Variants in ACADM observed in about 807,000 individuals in gnomAD.
ACADM encodes the protein medium-chain specific acyl-CoA dehydrogenase, mitochondrial.
In ACADM, 49 loss-of-function variants were observed where a neutral mutation model predicts 58.9. The ratio of observed to expected loss-of-function variants is 0.83; its 90% confidence interval spans 0.66 to 1.06. ACADM has a LOEUF of 1.06. Ranked by LOEUF, ACADM falls within the 50% of genes least tolerant of loss-of-function variation. The pLI is 0.00. For synonymous variants in ACADM, 160 were observed against 157.7 expected, an observed-to-expected ratio of 1.01 and a Z score of -0.11; for missense variants, 496 against 507.0, an observed-to-expected ratio of 0.98 and a Z score of 0.21.
At chr1:75,757,272 A>G (rs1353886098) in intron 10 of ACADM, among the ~76,000 whole-genome samples, 1 of 152,190 alleles carries the variant, frequency 6.6e-6, no homozygotes, top group African/African-American at 2.4e-5. Flanking sequence ...TGAACAGGCA[A>G]CCTACAGAAT....
chr1:75,733,101 T>G, intron 4 of ACADM, 179 bp downstream of exon 4: 4 of 1,612,312 alleles, frequency 2.5e-6, no homozygotes, highest in Non-Finnish European at 3.4e-6. Context: ...CCTAGATGCG[T>G]TTTTCCTTCT....
chr1:75,751,936 C>T (rs549196292), intron 10 of ACADM, among the ~76,000 whole-genome samples: 2 of 151,718 alleles, frequency 1.3e-5, no homozygotes, highest in East Asian at 3.9e-4. Context: ...GATGCTCCCC[C>T]ATTATCTGTA....
In ACADM at chr1:75,743,389, G is replaced by T. The variant is rs1279564351; in HGVS notation, c.600-2417G>T. 1.9e-5 allele frequency: 30 copies of T among 1,600,390 alleles called. No homozygotes were observed. In the Admixed American group the frequency reaches 4.9e-4, roughly 26 times the overall value. On this transcript the variant is annotated intron_variant, in intron 7 of 11. Transcript: ENST00000370841. The stretch of plus-strand genomic sequence containing the variant: ...GAAGACTGGTTTTCAGTTCCTGCAT[G>T]ATCAATTTGTAGGGTGTGTGGGTTC...
At position 75,761,275 on chromosome 1, in the gene ACADM, CAGTT is replaced by C. The variant is rs387906297; in HGVS notation, c.1102_1105del (p.Ala369LeufsTer18). The C allele has an allele frequency of 1.6e-5, 26 of 1,613,938 alleles. No homozygotes were observed. Among genetic ancestry groups the C allele is most frequent in the Non-Finnish European group, 2.1e-5 (25 of 1,179,956 alleles). Reference sequence around the variant, plus strand: ...GGCATTTGCTGGAGATATTGCAAATCAGTTAGCTACTGATGCTGTGCAGATACTT... The same window carrying C: ...GGCATTTGCTGGAGATATTGCAAATCAGCTACTGATGCTGTGCAGATACTT... On this transcript the variant is annotated frameshift_variant, in exon 11 of 12. Coordinates refer to ENST00000370841, the MANE Select transcript of ACADM (RefSeq NM_000016.6). LOFTEE classifies it high-confidence loss of function.
intron 10 of ACADM, among the ~76,000 whole-genome samples, chr1:75,758,811 A>G (rs1648658250): frequency 6.8e-6 from 1 of 146,382 alleles, no homozygotes; most frequent in Non-Finnish European, 1.5e-5. Flanking sequence ...AAAATGGACC[A>G]ACCAGCACTC....
At position 75,734,635 on chromosome 1, in the gene ACADM, T is replaced by C. The variant is rs1335675460; in HGVS notation, c.388-156T>C. On this transcript the variant is annotated intron_variant, in intron 5 of 11. Transcript: ENST00000370841. ...AAAATACTTAGATTAGCAGATTTAT[T>C]TCCTCATTCTAACTTAGAGGCAAGG... The C allele has an allele frequency of 8.1e-6, 5 of 616,526 alleles. No homozygotes were observed. The East Asian group carries it at 1.4e-4, about 17-fold the overall frequency. The allele number at this position is 616,526 out of a possible 1,614,324, so 38.2% of individuals were successfully genotyped here.
chr1:75,750,353 C>T, intron 9 of ACADM, 98 bp from the exon 10 acceptor site: 1 of 999,082 alleles, frequency 1.0e-6, no homozygotes, highest in Non-Finnish European at 1.5e-6. Context: ...CTGTACATCA[C>T]CTTCTCTTTG....
chr1:75,762,728 G>T lies in ACADM; in HGVS notation c.1231G>T (p.Val411Leu), dbSNP rs762485538. 13 of 1,608,166 alleles carry T rather than the reference G, an allele frequency of 8.1e-6. No individual in the cohort carries two copies. In the East Asian group the frequency reaches 2.7e-4, roughly 33 times the overall value. The change falls in exon 12 of 12, where the codon GTA (valine) becomes TTA (leucine). Residue 411 changes from valine (V) to leucine (L), a missense_variant. Val to Leu is a conservative substitution (Grantham distance 32). Coordinates refer to ENST00000370841, the MANE Select transcript of ACADM (RefSeq NM_000016.6). Reference protein sequence around the residue: ...EGTSQIQRLIVAREHIDKYKN With the variant: ...EGTSQIQRLILAREHIDKYKN ...TACTTCACAAATTCAAAGACTTATT[G>T]TAGCCCGTGAACACATTGACAAGTA...
rs778566209 is a variant in ACADM, at chr1:75,724,742, C to A, written c.-46C>A. Reference sequence around the variant, plus strand: ...CCCGCGTTCGGGGAGTATGTCAAGGCCGTGACCCGTGTATTATTGTCCGAG... The same window carrying A: ...CCCGCGTTCGGGGAGTATGTCAAGGACGTGACCCGTGTATTATTGTCCGAG... On this transcript the variant is annotated 5_prime_UTR_variant, in exon 1 of 12. Coordinates refer to ENST00000370841, the MANE Select transcript of ACADM (RefSeq NM_000016.6). The A allele has an allele frequency of 1.9e-5, 29 of 1,542,088 alleles. No individual in the cohort carries two copies. The highest frequency in any genetic ancestry group is 2.4e-5 in the South Asian group (2 of 82,982).
intron 2 of ACADM, among the ~76,000 whole-genome samples, chr1:75,729,885 ATTT>A (rs551916973): frequency 1.4e-5 from 1 of 73,872 alleles, no homozygotes; most frequent in African/African-American, 5.6e-5. Flanking sequence ...GGGATGGTGG[ATTT>A]TTTTTTTTTT....
rs786204424 is a variant in ACADM at position 75,733,624 on chromosome 1, TG to T, written c.387+1del. On this transcript the variant is annotated frameshift_variant, in exon 5 of 12. Coordinates refer to ENST00000370841, the MANE Select transcript of ACADM (RefSeq NM_000016.6). LOFTEE classifies it high-confidence loss of function. Reference sequence around the variant, plus strand: ...CAGACTGCTATTGAAGGAAATTCTTTGGGGGTAAGTGACTTAGAAAATTAAC... The same window carrying T: ...CAGACTGCTATTGAAGGAAATTCTTTGGGGTAAGTGACTTAGAAAATTAAC... ...GVQTAIEGNSLGQMPIIIAGN... is the reference protein window; with the variant it reads ...GVQTAIEGNSXGQMPIIIAGN... The T allele has an allele frequency of 5.6e-6, 9 of 1,611,138 alleles. No homozygotes were observed. The highest frequency in any genetic ancestry group is 7.6e-6 in the Non-Finnish European group (9 of 1,177,340).
chr1:75,753,766 T>C (rs1648333447), intron 10 of ACADM, among the ~76,000 whole-genome samples: 1 of 149,790 alleles, frequency 6.7e-6, no homozygotes, highest in African/African-American at 2.5e-5. Context: ...TGCTTATCTT[T>C]TAAGCACTCT....
Position 75,749,573 on chromosome 1 carries a change from G to GCCAT in ACADM, c.849+14_849+15insCCAT, listed in dbSNP as rs764286713. On this transcript the variant is annotated intron_variant, in intron 9 of 11. Transcript: ENST00000370841. ...ACCAGACCTGTAGTAAGTAATATGG[G>GCCAT]TTCATAATCTTTATAGGATCTTTTA... 6 of 1,609,504 alleles carry GCCAT rather than the reference G, an allele frequency of 3.7e-6. No homozygotes were observed. In the African/African-American group the frequency reaches 8.0e-5, roughly 22 times the overall value.
At chr1:75,762,593 T>C in intron 11 of ACADM, 99 bp from the exon 12 acceptor site, 2 of 790,794 alleles carry the variant, frequency 2.5e-6, no homozygotes, top group Non-Finnish European at 4.4e-6. Context: ...GATTCGGTTT[T>C]ATATTACAAC....
intron 10 of ACADM, among the ~76,000 whole-genome samples, chr1:75,758,568 A>G (rs1456578394): frequency 6.6e-5 from 10 of 152,176 alleles, no homozygotes; most frequent in African/African-American, 2.4e-4. Context: ...TTGTCTGTCT[A>G]GCTAGATGAT....
At chr1:75,753,633 CTT>C (rs1343138362) in intron 10 of ACADM, among the ~76,000 whole-genome samples, 1 of 151,536 alleles carries the variant, frequency 6.6e-6, no homozygotes, top group Non-Finnish European at 1.5e-5. Context: ...GAATCTTCTC[CTT>C]TTATGTTCTC....
Position 75,750,468 on chromosome 1 carries a change from T to G in ACADM, c.867T>G (p.Val289=). The part of the protein sequence containing the change: ...KTRPVVAAGA[V]GLAQRALDEA... Reference sequence around the variant, plus strand: ...AATACTAGGTAGCTGCTGGTGCTGTTGGATTAGCACAAAGAGCTTTGGATG... The same window carrying G: ...AATACTAGGTAGCTGCTGGTGCTGTGGGATTAGCACAAAGAGCTTTGGATG... The change falls in exon 10 of 12, where the codon GTT becomes GTG. Residue 289 remains valine (V), a synonymous_variant. Coordinates refer to ENST00000370841, the MANE Select transcript of ACADM (RefSeq NM_000016.6). The G allele has an allele frequency of 6.2e-7, 1 of 1,611,944 alleles. No homozygotes were observed. The highest frequency in any genetic ancestry group is 8.5e-7 in the Non-Finnish European group (1 of 1,179,558).
chr1:75,758,989 A>G (rs1032132864), intron 10 of ACADM, among the ~76,000 whole-genome samples: 2 of 152,170 alleles, frequency 1.3e-5, no homozygotes, highest in Non-Finnish European at 2.9e-5. Context: ...TTGGGTCCAC[A>G]CCACCTTTAA....
At chr1:75,729,828 G>A (rs1647119262) in intron 2 of ACADM, among the ~76,000 whole-genome samples, 1 of 149,274 alleles carries the variant, frequency 6.7e-6, no homozygotes, top group South Asian at 2.1e-4. Flanking sequence ...TCTTTCTGTA[G>A]CCAAAGACTA....
Sources: gnomAD v4.1 joint callset for allele counts (sites outside exome capture counted in the v4.1 genomes callset) on GRCh38, gnomAD v4.1.1 for gene constraint, MANE v1.5 for transcripts, NCBI Gene and HGNC (gene_info 2026-07-23, HGNC 2026-07-21) for gene names.